Variants in PCDH7 observed in about 807,000 individuals in gnomAD.
PCDH7 encodes the protein protocadherin 7, also known as protocadherin-7.
Under a neutral mutation model 58.9 loss-of-function variants are expected in PCDH7, and 17 were observed. The observed-to-expected ratio is 0.29, with a 90% CI of 0.20 to 0.43. The LOEUF (loss-of-function observed/expected upper bound fraction) is 0.43, where lower values mean the gene tolerates loss of function less well. PCDH7 is among the 20% of genes least tolerant of loss of function. The pLI is 1.00. For synonymous variants in PCDH7, 664 were observed against 616.4 expected (o/e 1.08, Z -1.14); for missense variants, 1,274 against 1,441.0 (o/e 0.88, Z 1.88).
intron 1 of PCDH7, among the ~76,000 whole-genome samples, chr4:30,873,705 G>A (rs951673540): frequency 2.0e-5 from 3 of 151,924 alleles, no homozygotes; most frequent in African/African-American, 4.8e-5. Flanking sequence ...ACTTCTATAT[G>A]TTGAATATGG....
chr4:30,735,789 C>G (rs1716164196), downstream of PCDH7, among the ~76,000 whole-genome samples: 1 of 152,138 alleles, frequency 6.6e-6, no homozygotes, highest in Non-Finnish European at 1.5e-5. Context: ...ATGTTTGTGG[C>G]CTGGAATTTT....
At chr4:30,926,468 G>A (rs1743888083) in intron 2 of PCDH7, among the ~76,000 whole-genome samples, 2 of 152,194 alleles carry the variant, frequency 1.3e-5, no homozygotes, top group African/African-American at 4.8e-5. Context: ...ACAGGCGTGA[G>A]CCACCACACC....
At chr4:30,864,556 A>G (rs73214915) in intron 1 of PCDH7, among the ~76,000 whole-genome samples, 4,717 of 152,088 alleles carry the variant, frequency 0.031, 189 homozygotes, top group African/African-American at 0.09. Flanking sequence ...GGTAGGATAT[A>G]GATGATATAC....
At chr4:30,834,917 ATGTG>A (rs1316175176) in intron 1 of PCDH7, among the ~76,000 whole-genome samples, 37 of 145,502 alleles carry the variant, frequency 2.5e-4, no homozygotes, top group Non-Finnish European at 4.2e-4. Flanking sequence ...ATATATATAT[ATGTG>A]TATATATATA....
intron 3 of PCDH7, among the ~76,000 whole-genome samples, chr4:30,952,426 G>A (rs138736508): frequency 0.011 from 1,694 of 151,912 alleles, 26 homozygotes; most frequent in African/African-American, 0.035. Flanking sequence ...AAGGAAAACA[G>A]TGGATAAGTA....
At chr4:30,877,787 T>C (rs1736478177) in intron 1 of PCDH7, among the ~76,000 whole-genome samples, 1 of 152,186 alleles carries the variant, frequency 6.6e-6, no homozygotes, top group South Asian at 2.1e-4. Context: ...GTAATTTACA[T>C]TGGAATCAAC....
chr4:30,783,522 A>G (rs1287888157), intron 1 of PCDH7, among the ~76,000 whole-genome samples: 1 of 152,248 alleles, frequency 6.6e-6, no homozygotes, highest in Non-Finnish European at 1.5e-5. Context: ...ATAGTGCATG[A>G]TTTAGTATTG....
chr4:30,803,529 C>T (rs185145970), intron 1 of PCDH7, among the ~76,000 whole-genome samples: 87 of 152,206 alleles, frequency 5.7e-4, no homozygotes, highest in Non-Finnish European at 5.4e-4. Flanking sequence ...CCTCAAACTC[C>T]GGCGCTCAAG....
chr4:30,953,726 T>G (rs2109450677), intron 3 of PCDH7, among the ~76,000 whole-genome samples: 1 of 152,280 alleles, frequency 6.6e-6, no homozygotes, highest in East Asian at 1.9e-4. Context: ...ATTTTCAGTC[T>G]TTACTTTTTA....
In PCDH7 at chr4:31,056,441, G is replaced by GGAAA. The variant is rs1358060572; in HGVS notation, c.*8-86016_*8-86013dup. On this transcript the variant is annotated intron_variant, in intron 3 of 3. Transcript: ENST00000509759. ...GAAAGAAGGAAAGAAAAAGAAAGAA[G>GGAAA]GAAAGAAAGAAAGAAAGAAGAAAGA... Among the ~76,000 whole-genome samples, 3 of 39,314 alleles carry GGAAA rather than the reference G, an allele frequency of 7.6e-5. 1 individual carries two copies. Among genetic ancestry groups the GGAAA allele is most frequent in the Non-Finnish European group, 1.2e-4 (3 of 24,764 alleles). The allele number at this position is 39,314 out of a possible 152,430, so 25.8% of individuals were successfully genotyped here.
chr4:31,143,131 A>G (rs1720454326), downstream of PCDH7: 3 of 150,420 alleles, frequency 2.0e-5, no homozygotes, highest in South Asian at 3.8e-4. Flanking sequence ...AAAAACAAAA[A>G]GAAAAGAAAA....
chr4:30,971,667 T>C (rs923675708), intron 3 of PCDH7, among the ~76,000 whole-genome samples: 1 of 152,188 alleles, frequency 6.6e-6, no homozygotes, highest in Non-Finnish European at 1.5e-5. Flanking sequence ...AAGTGATACA[T>C]TGTAGGTAAA....
At chr4:31,077,696 G>A (rs766867872) in intron 3 of PCDH7, among the ~76,000 whole-genome samples, 3 of 152,100 alleles carry the variant, frequency 2.0e-5, no homozygotes, top group African/African-American at 7.2e-5. Context: ...TAGGATAGGT[G>A]CATTTCACCC....
chr4:31,045,982 C>T (rs1213018325), intron 3 of PCDH7, among the ~76,000 whole-genome samples: 4 of 152,068 alleles, frequency 2.6e-5, no homozygotes, highest in Middle Eastern at 3.4e-3. Flanking sequence ...AGATGCTGTG[C>T]AATACTTGAA....
rs192270303 is a variant in PCDH7, at chr4:30,906,301, T to C, written c.71-13852T>C. ...AAACAACTGAAAAGAATAGTAAATA[T>C]CACCTATTAAAATTCCCTCATTTTA... On this transcript the variant is annotated intron_variant, in intron 1 of 3. Coordinates refer to the PCDH7 transcript ENST00000509759. 5.5e-3 allele frequency among the ~76,000 whole-genome samples: 833 copies of C among 152,282 alleles called. 4 individuals carry two copies. Among genetic ancestry groups the C allele is most frequent in the Admixed American group, 8.4e-3 (128 of 15,288 alleles).
chr4:30,724,418 G>A, exon 1 of PCDH7: 1 of 1,614,016 alleles, frequency 6.2e-7, no homozygotes, highest in Non-Finnish European at 8.5e-7. Flanking sequence ...TACAAATCTA[G>A]TTCCCCATTG....
chr4:30,966,321 T>C (rs1011583507), intron 3 of PCDH7, among the ~76,000 whole-genome samples: 12 of 152,190 alleles, frequency 7.9e-5, no homozygotes, highest in Non-Finnish European at 1.8e-4. Context: ...ATTAAAAGCA[T>C]GTTACATTCT....
downstream of PCDH7, chr4:31,143,575 C>G (rs542041226): frequency 6.6e-6 from 1 of 152,284 alleles, no homozygotes; most frequent in South Asian, 2.1e-4. Context: ...TCAGTATACA[C>G]ACAGTCTTGA....
chr4:30,921,259 CAG>C (rs1240788804), intron 2 of PCDH7, among the ~76,000 whole-genome samples: 1 of 151,986 alleles, frequency 6.6e-6, no homozygotes, highest in African/African-American at 2.4e-5. Context: ...GATGGTTAAA[CAG>C]AGAGAAAGGA....
Sources: allele counts gnomAD v4.1 joint callset (sites outside exome capture counted in the v4.1 genomes callset), GRCh38; gene constraint gnomAD v4.1.1; transcripts MANE v1.5; gene names NCBI Gene and HGNC (gene_info 2026-07-23, HGNC 2026-07-21).